The following CFAP69 variants were observed in gnomAD, a reference collection of about 807,000 sequenced individuals.
CFAP69 encodes cilia and flagella associated protein 69.
A neutral mutation model predicts 123.0 loss-of-function variants in CFAP69; 92 were observed. The ratio of observed to expected loss-of-function variants is 0.75; its 90% CI spans 0.63 to 0.89. The LOEUF (loss-of-function observed/expected upper bound fraction) is 0.89, where lower values mean the gene tolerates loss of function less well. Among genes scored for constraint, CFAP69 ranks in the 40% least tolerant of loss-of-function variants. The probability of loss-of-function intolerance (pLI) is 0.00; values close to 1 mark genes in which losing one functional copy is unlikely to be tolerated. For synonymous variants in CFAP69, 380 were observed against 364.3 expected (o/e 1.04, Z -0.49); for missense variants, 1,067 against 1,096.9 (o/e 0.97, Z 0.39).
At chr7:90,313,091 A>G (rs28947511), downstream of CFAP69, among the ~76,000 whole-genome samples, 221 of 152,362 alleles carry the variant, frequency 1.5e-3, 3 homozygotes, top group East Asian at 0.036. Flanking sequence ...TTTATATACA[A>G]CTATATTATC....
At chr7:90,260,006 C>A (rs1240909673) in intron 3 of CFAP69, among the ~76,000 whole-genome samples, 4 of 152,182 alleles carry the variant, frequency 2.6e-5, no homozygotes, top group Non-Finnish European at 4.4e-5. Context: ...AACCTGTGGG[C>A]TGCATGCTGC....
At chr7:90,300,320 T>A in intron 17 of CFAP69, 1 of 916,408 alleles carries the variant, frequency 1.1e-6, no homozygotes, top group Non-Finnish European at 1.3e-6. Context: ...ATTAAAGTAG[T>A]TCCTAAAGAT....
chr7:90,296,548 G>A (rs1333905073), intron 15 of CFAP69, among the ~76,000 whole-genome samples: 4 of 151,834 alleles, frequency 2.6e-5, no homozygotes, highest in African/African-American at 4.8e-5. Context: ...GGCTGGTCTC[G>A]AACTCCTGAC....
intron 3 of CFAP69, among the ~76,000 whole-genome samples, chr7:90,258,610 T>C (rs2116693110): frequency 6.6e-6 from 1 of 152,252 alleles, no homozygotes; most frequent in East Asian, 1.9e-4. Flanking sequence ...ATCTCAAAAT[T>C]CCTAATCATA....
At chr7:90,253,459 C>G (rs148183855) in intron 1 of CFAP69, among the ~76,000 whole-genome samples, 31 of 152,226 alleles carry the variant, frequency 2.0e-4, no homozygotes, top group Non-Finnish European at 4.0e-4. Flanking sequence ...GGTGTGATCT[C>G]GAATCACTGC....
In CFAP69 at chr7:90,245,206, CGG is replaced by C; in HGVS notation, c.-217_-216del. 4.1e-6 allele frequency: 2 copies of C among 483,394 alleles called. No homozygotes were observed. Among genetic ancestry groups the C allele is most frequent in the Non-Finnish European group, 6.7e-6 (2 of 297,392 alleles). 29.9% of individuals were successfully genotyped at this position (483,394 alleles called of 1,614,324 possible). A position where few individuals can be genotyped will look rare whatever the true frequency, so the allele number is the denominator to read the frequency against. On this transcript the variant is annotated 5_prime_UTR_variant, in exon 1 of 23. Transcript: ENST00000389297. ...CGCTGGCTTGTGTTAACAACCGGCC[CGG>C]GATCAGAGGTCTGGGTCAACTGGGG... is the stretch of plus-strand genomic sequence containing the variant.
At chr7:90,292,286 C>T (rs1270314277) in intron 15 of CFAP69, among the ~76,000 whole-genome samples, 1 of 152,148 alleles carries the variant, frequency 6.6e-6, no homozygotes, top group Non-Finnish European at 1.5e-5. Flanking sequence ...TTTCTCTTCT[C>T]TTGAGGTCCC....
chr7:90,282,325 G>A (rs1223224939), intron 12 of CFAP69, among the ~76,000 whole-genome samples: 3 of 152,042 alleles, frequency 2.0e-5, no homozygotes, highest in Non-Finnish European at 2.9e-5. Context: ...CTCTAGCCTG[G>A]GCAACAGAGC....
At chr7:90,272,066 T>G in intron 8 of CFAP69, 108 bp downstream of exon 8, 1 of 1,035,072 alleles carries the variant, frequency 9.7e-7, no homozygotes, top group African/African-American at 1.6e-5. Flanking sequence ...TTTAGATTCA[T>G]GTAATGGCTA....
At chr7:90,323,108 C>T in the CFAP69 span, among the ~76,000 whole-genome samples, 2 of 151,978 alleles carry the variant, frequency 1.3e-5, no homozygotes, top group African/African-American at 2.4e-5. Flanking sequence ...GGTATAATCA[C>T]CAAGGAAGAA....
At chr7:90,254,464 T>G (rs896824462) in intron 1 of CFAP69, among the ~76,000 whole-genome samples, 1 of 152,286 alleles carries the variant, frequency 6.6e-6, no homozygotes, top group African/African-American at 2.4e-5. Context: ...AGGCCCAGTG[T>G]TGGATGCCGG....
chr7:90,254,662 C>T (rs139363792), intron 1 of CFAP69, among the ~76,000 whole-genome samples: 8 of 152,156 alleles, frequency 5.3e-5, no homozygotes, highest in Non-Finnish European at 8.8e-5. Context: ...ACCTGAGCTT[C>T]GTCTTGAAGG....
At chr7:90,289,236 A>T (rs1225855179) in intron 15 of CFAP69, among the ~76,000 whole-genome samples, 1 of 152,086 alleles carries the variant, frequency 6.6e-6, no homozygotes, top group African/African-American at 2.4e-5. Flanking sequence ...TAATACTAAA[A>T]AATTTTCCAA....
intron 15 of CFAP69, among the ~76,000 whole-genome samples, chr7:90,295,615 GA>G (rs1351107575): frequency 6.6e-6 from 1 of 152,220 alleles, no homozygotes; most frequent in Non-Finnish European, 1.5e-5. Context: ...GATGTTACAG[GA>G]AAGGGGTCCC....
intron 6 of CFAP69, 90 bp downstream of exon 6, chr7:90,268,474 G>T: frequency 1.1e-6 from 1 of 934,152 alleles, no homozygotes; most frequent in East Asian, 2.7e-5. Context: ...GACACAGTGG[G>T]CTCATAAATG....
intron 15 of CFAP69, among the ~76,000 whole-genome samples, chr7:90,293,679 C>T (rs1401533333): frequency 6.6e-6 from 1 of 152,196 alleles, no homozygotes; most frequent in Non-Finnish European, 1.5e-5. Context: ...TTAGTAGTCT[C>T]AAATACTTGT....
chr7:90,249,801 C>G (rs1796753462), intron 1 of CFAP69, among the ~76,000 whole-genome samples: 1 of 152,150 alleles, frequency 6.6e-6, no homozygotes, highest in African/African-American at 2.4e-5. Flanking sequence ...GCTTTTCTAA[C>G]AGGTTTCCAG....
chr7:90,277,016 A>G, intron 9 of CFAP69, 57 bp from the exon 10 acceptor site: 1 of 1,229,052 alleles, frequency 8.1e-7, no homozygotes, highest in Non-Finnish European at 1.1e-6. Context: ...GAGCATCTGC[A>G]TCATAACTTT....
rs10527106 is a variant in CFAP69, at chr7:90,250,187, G to GGAGAGAGAGAGAGAGAGAGAGA, written c.120+4670_120+4691dup. On this transcript the variant is annotated intron_variant, in intron 1 of 22. Coordinates refer to ENST00000389297, the MANE Select transcript of CFAP69 (RefSeq NM_001039706.3). Reference sequence around the variant, plus strand: ...GGGAGACCCCCACTCTTTAAAGAGAGGAGAGAGAGAGAGAGAGAGAGAGAG... The same window carrying GGAGAGAGAGAGAGAGAGAGAGA: ...GGGAGACCCCCACTCTTTAAAGAGAGGAGAGAGAGAGAGAGAGAGAGAGAGAGAGAGAGAGAGAGAGAGAGAG... Among the ~76,000 whole-genome samples the GGAGAGAGAGAGAGAGAGAGAGA allele has an allele frequency of 7.8e-4, 98 of 125,764 alleles. 1 individual carries two copies. The highest frequency in any genetic ancestry group is 8.1e-4 in the Admixed American group (10 of 12,396). The allele number at this position is 125,764 out of a possible 152,430, so 82.5% of individuals were successfully genotyped here.
Sources: allele counts gnomAD v4.1 joint callset (sites outside exome capture counted in the v4.1 genomes callset), GRCh38; gene constraint gnomAD v4.1.1; transcripts MANE v1.5; gene names NCBI Gene and HGNC (gene_info 2026-07-23, HGNC 2026-07-21).